The following PPP1R3A variants were observed in gnomAD, a reference collection of about 807,000 sequenced individuals.
The protein encoded by PPP1R3A is protein phosphatase 1 regulatory subunit 3A.
Under a neutral mutation model 41.7 loss-of-function variants are expected in PPP1R3A, and 29 were observed. The observed-to-expected ratio is 0.70, with a 90% CI of 0.52 to 0.95. The LOEUF (loss-of-function observed/expected upper bound fraction) is 0.95, where lower values mean the gene tolerates loss of function less well. PPP1R3A is among the 40% of genes least tolerant of loss of function. The probability of loss-of-function intolerance (pLI) is 0.00; values close to 1 mark genes in which losing one functional copy is unlikely to be tolerated. For synonymous variants in PPP1R3A, 485 were observed against 453.4 expected (o/e 1.07, Z -0.89); for missense variants, 1,352 against 1,292.4 (o/e 1.05, Z -0.71).
intron 1 of PPP1R3A, among the ~76,000 whole-genome samples, chr7:113,890,013 G>T (rs1482301304): frequency 6.6e-6 from 1 of 151,796 alleles, no homozygotes; most frequent in Non-Finnish European, 1.5e-5. Flanking sequence ...TAAATAAGAA[G>T]CCTTAGCTAG....
chr7:113,916,796 T>C (rs1229399556), intron 1 of PPP1R3A, among the ~76,000 whole-genome samples: 1 of 152,066 alleles, frequency 6.6e-6, no homozygotes, highest in East Asian at 1.9e-4. Context: ...GCTAATGTGT[T>C]AGAGTAATTT....
intron 1 of PPP1R3A, among the ~76,000 whole-genome samples, chr7:113,888,988 C>T (rs1304099467): frequency 6.6e-6 from 1 of 152,110 alleles, no homozygotes; most frequent in African/African-American, 2.4e-5. Context: ...ACAATAGTTC[C>T]CAGAATTGCC....
At chr7:113,894,608 A>G (rs1243471448) in intron 1 of PPP1R3A, among the ~76,000 whole-genome samples, 1 of 151,848 alleles carries the variant, frequency 6.6e-6, no homozygotes, top group Non-Finnish European at 1.5e-5. Context: ...AAAAATAATC[A>G]GTGTATTGTC....
intron 1 of PPP1R3A, among the ~76,000 whole-genome samples, chr7:113,893,604 T>C (rs545281279): frequency 5.3e-4 from 80 of 152,174 alleles, no homozygotes; most frequent in African/African-American, 1.8e-3. Flanking sequence ...AAAATGTGAC[T>C]ATAAACCATG....
In PPP1R3A at chr7:113,918,630, G is replaced by A; in HGVS notation, c.367C>T (p.Leu123Phe). 1 of 1,613,600 alleles carries A rather than the reference G, an allele frequency of 6.2e-7. No homozygotes were observed. Among genetic ancestry groups the A allele is most frequent in the Non-Finnish European group, 8.5e-7 (1 of 1,179,728 alleles). The stretch of plus-strand genomic sequence containing the variant: ...TCCAGTATTGCTTTCTGTATTTGGA[G>A]TTGTTGCATAAGATCTTCTTTTGAA... ...PSSKEDLMQQLQIQKAILEST... is the reference protein window; with the variant it reads ...PSSKEDLMQQFQIQKAILEST... The change falls in exon 1 of 4, where the codon CTC becomes TTC. Residue 123 changes from leucine to phenylalanine, a missense_variant. Transcript: ENST00000284601.
chr7:113,881,462 A>G (rs768070144), intron 3 of PPP1R3A, among the ~76,000 whole-genome samples: 7 of 152,064 alleles, frequency 4.6e-5, no homozygotes, highest in Non-Finnish European at 8.8e-5. Context: ...AATGCTCACC[A>G]AGTATGAAAT....
At chr7:113,891,101 A>AAAAAAAAAAAAAAAAAAAAAAAAC (rs1796877859) in intron 1 of PPP1R3A, among the ~76,000 whole-genome samples, 1 of 115,448 alleles carries the variant, frequency 8.7e-6, no homozygotes, top group Non-Finnish European at 1.8e-5. Flanking sequence ...AAAAAAAAAA[A>AAAAAAAAAAAAAAAAAAAAAAAAC]AAAAAAAAAA....
chr7:113,907,695 G>T, intron 1 of PPP1R3A, among the ~76,000 whole-genome samples: 1 of 151,104 alleles, frequency 6.6e-6, no homozygotes, highest in Non-Finnish European at 1.5e-5. Context: ...TTTTCACAAG[G>T]GAATAAAACT....
intron 1 of PPP1R3A, among the ~76,000 whole-genome samples, chr7:113,915,863 C>T (rs1797334369): frequency 6.6e-6 from 1 of 151,916 alleles, no homozygotes; most frequent in Non-Finnish European, 1.5e-5. Flanking sequence ...TAACCAAACT[C>T]TTCACAATAA....
Position 113,878,241 on chromosome 7 carries a change from C to T in PPP1R3A, c.2851G>A (p.Glu951Lys), listed in dbSNP as rs144835173. 8 of 1,613,128 alleles carry T rather than the reference C, an allele frequency of 5.0e-6. No individual in the cohort carries two copies. In the African/African-American group the frequency reaches 9.4e-5, roughly 19 times the overall value. The change falls in exon 4 of 4, where the codon GAA (glutamate) becomes AAA (lysine). Residue 951 changes from glutamate (E) to lysine (K), a missense_variant. Glu to Lys is a moderately conservative substitution (Grantham distance 56). Coordinates refer to ENST00000284601, the MANE Select transcript of PPP1R3A (RefSeq NM_002711.4). ...MASQPISTKS[E>K]NICNSTREIQ... ...TCTCTTGTTGAATTACAAATATTTT[C>T]TGATTTCGTAGAAATAGGTTGGCTA...
At chr7:113,891,084 C>CAAAAAAAAAACAAAAAAAAAA (rs1796875027) in intron 1 of PPP1R3A, among the ~76,000 whole-genome samples, 2 of 79,790 alleles carry the variant, frequency 2.5e-5, no homozygotes, top group African/African-American at 1.0e-4. Flanking sequence ...GGAAAAAAAG[C>CAAAAAAAAAACAAAAAAAAAA]AAAAAAAAAA....
chr7:113,900,687 T>C (rs898604848), intron 1 of PPP1R3A, among the ~76,000 whole-genome samples: 1 of 148,550 alleles, frequency 6.7e-6, no homozygotes, highest in African/African-American at 2.4e-5. Flanking sequence ...TATATGTGTA[T>C]ATATAGTGAT....
At chr7:113,882,345 A>G (rs758391716) in intron 1 of PPP1R3A, 25 bp from the exon 2 acceptor site, 14 of 1,372,260 alleles carry the variant, frequency 1.0e-5, no homozygotes, top group Admixed American at 7.0e-5. Flanking sequence ...AGAAAATGTT[A>G]TATGTTTTTC....
In PPP1R3A at chr7:113,879,485, G is replaced by A. The variant is rs536136358; in HGVS notation, c.1607C>T (p.Thr536Ile). The change falls in exon 4 of 4, where the codon ACA becomes ATA. Residue 536 changes from threonine (T) to isoleucine (I), a missense_variant. By Grantham distance (89) the Thr-to-Ile change is moderately conservative. Coordinates refer to ENST00000284601, the MANE Select transcript of PPP1R3A (RefSeq NM_002711.4). Reference protein sequence around the residue: ...VNEKQRKNFQTILHDQERKMG... With the variant: ...VNEKQRKNFQIILHDQERKMG... The stretch of plus-strand genomic sequence containing the variant: ...CTTCCTTTCTTGGTCATGTAAGATT[G>A]TTTGGAAATTTTTTCTTTGTTTTTC... 2 of 1,613,042 alleles carry A rather than the reference G, an allele frequency of 1.2e-6. No individual in the cohort carries two copies. Among genetic ancestry groups the A allele is most frequent in the African/African-American group, 1.3e-5 (1 of 74,838 alleles).
rs757738660 is a variant in PPP1R3A, at chr7:113,918,739, C to A, written c.258G>T (p.Pro86=). The change falls in exon 1 of 4, where the codon CCG becomes CCT. Residue 86 remains proline, a synonymous_variant. Transcript: ENST00000284601. ...CTAAGTCAAAAGTGGTTGAAGCACT[C>A]GGTAATTCCCAGCAATCAAATTCTT... The part of the protein sequence containing the change: ...SVKEFDCWEL[P]SASTTFDLGT... 6.2e-7 allele frequency: 1 copy of A among 1,613,796 alleles called. No individual in the cohort carries two copies. The highest frequency in any genetic ancestry group is 8.5e-7 in the Non-Finnish European group (1 of 1,179,858).
chr7:113,881,534 G>A (rs1796695651), intron 3 of PPP1R3A, among the ~76,000 whole-genome samples: 2 of 151,742 alleles, frequency 1.3e-5, no homozygotes, highest in African/African-American at 2.4e-5. Flanking sequence ...TAAAATTATG[G>A]CACAGGCTAT....
chr7:113,899,834 A>G (rs1447079101), intron 1 of PPP1R3A, among the ~76,000 whole-genome samples: 1 of 151,750 alleles, frequency 6.6e-6, no homozygotes, highest in African/African-American at 2.4e-5. Flanking sequence ...GCTATTCTAC[A>G]TTGGCTTTTA....
At position 113,879,039 on chromosome 7, in the gene PPP1R3A, C is replaced by A. The variant is rs199968105; in HGVS notation, c.2053G>T (p.Val685Leu). 3.1e-6 allele frequency: 5 copies of A among 1,613,694 alleles called. No homozygotes were observed. The highest frequency in any genetic ancestry group is 4.5e-5 in the East Asian group (2 of 44,844). ...CTCGTATTATCTCTTTTTCCCCACACGTCTTCACAATCTGTTTGTCCTTTG... is the reference window on the plus strand; with the variant it reads ...CTCGTATTATCTCTTTTTCCCCACAAGTCTTCACAATCTGTTTGTCCTTTG... The part of the protein sequence containing the change: ...HIKGQTDCED[V>L]WGKRDNTRSL... The change falls in exon 4 of 4, where the codon GTG (valine) becomes TTG (leucine). Residue 685 changes from valine to leucine, a missense_variant. Coordinates refer to ENST00000284601, the MANE Select transcript of PPP1R3A (RefSeq NM_002711.4).
chr7:113,893,803 C>T (rs1479807963), intron 1 of PPP1R3A, among the ~76,000 whole-genome samples: 5 of 151,962 alleles, frequency 3.3e-5, no homozygotes, highest in Non-Finnish European at 7.4e-5. Flanking sequence ...CCCAGTACCT[C>T]GGAGCTTGAT....
Sources: allele counts gnomAD v4.1 joint callset (sites outside exome capture counted in the v4.1 genomes callset), GRCh38; gene constraint gnomAD v4.1.1; transcripts MANE v1.5; gene names NCBI Gene and HGNC (gene_info 2026-07-23, HGNC 2026-07-21).